MPP7: variants seen among roughly 807,000 people sequenced by gnomAD.
MPP7 encodes the protein MAGUK p55 scaffold protein 7, also known as MAGUK p55 subfamily member 7.
MPP7 carries 60 observed loss-of-function variants against 76.5 expected under a neutral mutation model. That is an observed-to-expected ratio of 0.78 (90% CI 0.64 to 0.97). The LOEUF is 0.97. Among genes scored for constraint, MPP7 ranks in the 50% least tolerant of loss-of-function variants. The probability of loss-of-function intolerance (pLI) is 0.00; values close to 1 mark genes in which losing one functional copy is unlikely to be tolerated. For missense variants in MPP7, 641 were observed against 694.0 expected (o/e 0.92, Z 0.86); for synonymous variants, 237 against 244.5 (o/e 0.97, Z 0.29).
intron 1 of MPP7, among the ~76,000 whole-genome samples, chr10:28,277,491 T>A (rs970451029): frequency 6.6e-6 from 1 of 152,090 alleles, no homozygotes; most frequent in African/African-American, 2.4e-5. Flanking sequence ...CTGGGCTGCA[T>A]GCGGCCCATG....
At chr10:28,090,238 G>T (rs1390290746) in intron 11 of MPP7, among the ~76,000 whole-genome samples, 3 of 152,140 alleles carry the variant, frequency 2.0e-5, no homozygotes, top group African/African-American at 4.8e-5. Flanking sequence ...TGGGATTACA[G>T]GCATGAGCCA....
chr10:28,315,482 C>T (rs540974378), intron 2 of MPP7, among the ~76,000 whole-genome samples: 3 of 152,174 alleles, frequency 2.0e-5, no homozygotes, highest in South Asian at 2.1e-4. Flanking sequence ...CAGTCTGTGG[C>T]GCACCCTGCC....
intron 2 of MPP7, among the ~76,000 whole-genome samples, chr10:28,210,598 G>C (rs1269301392): frequency 6.6e-6 from 1 of 152,152 alleles, no homozygotes; most frequent in Non-Finnish European, 1.5e-5. Flanking sequence ...AAAAATTTTA[G>C]GGGCTAAGAA....
chr10:28,176,750 CA>C (rs2133889908), intron 3 of MPP7, among the ~76,000 whole-genome samples: 1 of 151,496 alleles, frequency 6.6e-6, no homozygotes, highest in East Asian at 2.0e-4. Context: ...AAAAAGAAAC[CA>C]TCATTCTGAG....
At chr10:28,146,291 C>G (rs569062534) in intron 5 of MPP7, among the ~76,000 whole-genome samples, 3 of 152,252 alleles carry the variant, frequency 2.0e-5, no homozygotes, top group South Asian at 2.1e-4. Flanking sequence ...AATCAATTAC[C>G]CTCACATCAT....
chr10:28,240,596 C>G (rs1839235480), intron 1 of MPP7, among the ~76,000 whole-genome samples: 1 of 152,012 alleles, frequency 6.6e-6, no homozygotes, highest in Admixed American at 6.6e-5. Flanking sequence ...GAAAATATAG[C>G]TGACTAAGCT....
chr10:28,126,922 C>T (rs79685516), intron 6 of MPP7, among the ~76,000 whole-genome samples: 1,951 of 152,204 alleles, frequency 0.013, 55 homozygotes, highest in African/African-American at 0.045. Context: ...CTTGGCCAGC[C>T]CCCAACCTTC....
In MPP7 at chr10:28,120,305, C is replaced by G; in HGVS notation, c.776G>C (p.Gly259Ala). The change falls in exon 10 of 17, where the codon GGA becomes GCA. Residue 259 changes from glycine (G) to alanine (A), a missense_variant. By Grantham distance (60) the Gly-to-Ala change is moderately conservative. Coordinates refer to ENST00000683449, the MANE Select transcript of MPP7 (RefSeq NM_001318170.2). ...CKEAGLSFKK[G>A]DILQIMSQDD... ...TTGGCTCATAATCTGAAGAATATCT[C>G]CCTTTTTGAAAGAAAGCCCAGCTTC... 2 of 1,613,960 alleles carry G rather than the reference C, an allele frequency of 1.2e-6. No individual in the cohort carries two copies. The highest frequency in any genetic ancestry group is 1.7e-6 in the Non-Finnish European group (2 of 1,179,950).
At chr10:28,237,226 G>C (rs957591423) in intron 2 of MPP7, among the ~76,000 whole-genome samples, 7 of 152,124 alleles carry the variant, frequency 4.6e-5, no homozygotes, top group Admixed American at 4.6e-4. Flanking sequence ...CACGACTGTA[G>C]TAAATTTATG....
chr10:28,257,704 C>A (rs1429228918), intron 1 of MPP7, among the ~76,000 whole-genome samples: 1 of 148,532 alleles, frequency 6.7e-6, no homozygotes, highest in Non-Finnish European at 1.5e-5. Flanking sequence ...ATGTAACTAA[C>A]CTGCACAAAG....
intron 3 of MPP7, among the ~76,000 whole-genome samples, chr10:28,153,872 G>C (rs9663596): frequency 0.16 from 24,271 of 151,986 alleles, 2,214 homozygotes; most frequent in East Asian, 0.37. Context: ...GTACAAAAAA[G>C]TACTGAAAAT....
chr10:28,274,794 C>G (rs1213365445), intron 1 of MPP7, among the ~76,000 whole-genome samples: 1 of 152,194 alleles, frequency 6.6e-6, no homozygotes, highest in Non-Finnish European at 1.5e-5. Context: ...CATCACCATC[C>G]CTTCCTCTGG....
At chr10:28,326,937 C>T (rs1834421539) in intron 2 of MPP7, among the ~76,000 whole-genome samples, 2 of 152,170 alleles carry the variant, frequency 1.3e-5, no homozygotes, top group Admixed American at 6.5e-5. Context: ...TTCGTGGCCA[C>T]TAAGCCCAGG....
rs1428061089 is a variant in MPP7 at position 28,056,496 on chromosome 10, G to C, written c.1535C>G (p.Ala512Gly). ...KIISSRDDQG[A>G]AKPFTEEDFQ... ...TATACTTACTGTGAAGGGTTTTGCA[G>C]CACCTTGGTCATCTCTGCTTGAAAT... The change falls in exon 16 of 17, where the codon GCT becomes GGT. Residue 512 changes from alanine to glycine, a missense_variant. Coordinates refer to ENST00000683449, the MANE Select transcript of MPP7 (RefSeq NM_001318170.2). 1 of 1,612,628 alleles carries C rather than the reference G, an allele frequency of 6.2e-7. No individual in the cohort carries two copies. Among genetic ancestry groups the C allele is most frequent in the Non-Finnish European group, 8.5e-7 (1 of 1,179,642 alleles).
intron 5 of MPP7, among the ~76,000 whole-genome samples, chr10:28,140,031 C>T (rs1189728384): frequency 4.6e-5 from 7 of 152,070 alleles, no homozygotes; most frequent in Non-Finnish European, 7.4e-5. Context: ...TTAAATAAGT[C>T]AGGATATTGA....
At chr10:28,317,193 T>C (rs1834332592) in intron 2 of MPP7, among the ~76,000 whole-genome samples, 1 of 152,154 alleles carries the variant, frequency 6.6e-6, no homozygotes, top group African/African-American at 2.4e-5. Flanking sequence ...TCTATGCTAA[T>C]CCCAGAATTT....
At chr10:28,293,651 C>A (rs746430764) in intron 1 of MPP7, among the ~76,000 whole-genome samples, 5 of 152,120 alleles carry the variant, frequency 3.3e-5, no homozygotes, top group Non-Finnish European at 7.4e-5. Flanking sequence ...AACTCCAGTC[C>A]GAGCCCCTGA....
At chr10:28,112,574 T>C (rs1427932777) in intron 11 of MPP7, among the ~76,000 whole-genome samples, 6 of 152,230 alleles carry the variant, frequency 3.9e-5, no homozygotes, top group Non-Finnish European at 7.3e-5. Flanking sequence ...GATATTTTTA[T>C]ATCACTGATA....
rs976914062 is a variant in MPP7, at chr10:28,202,021, G to A, written c.156+132C>T. 62 of 670,952 alleles carry A rather than the reference G, an allele frequency of 9.2e-5. 1 individual carries two copies. The Admixed American group carries it at 1.1e-3, about 12-fold the overall frequency. 41.6% of individuals were successfully genotyped at this position (670,952 alleles called of 1,614,324 possible). A position where few individuals can be genotyped will look rare whatever the true frequency, so the allele number is the denominator to read the frequency against. On this transcript the variant is annotated intron_variant, in intron 3 of 16. Transcript: ENST00000683449. ...TGGTAGAATCTTTAACAACTTCCAC[G>A]CCCGTCGGTGAATGGAACAAGGCTG...
Sources: allele counts gnomAD v4.1 joint callset (sites outside exome capture counted in the v4.1 genomes callset), GRCh38; gene constraint gnomAD v4.1.1; transcripts MANE v1.5; gene names NCBI Gene and HGNC (gene_info 2026-07-23, HGNC 2026-07-21).